The following SLC16A10 variants were observed in gnomAD, a reference collection of about 807,000 sequenced individuals.
SLC16A10 encodes monocarboxylate transporter 10.
A neutral mutation model predicts 40.0 loss-of-function variants in SLC16A10; 27 were observed. That is an observed-to-expected ratio of 0.67 (90% CI 0.50 to 0.93). SLC16A10 has a LOEUF of 0.93. SLC16A10 is among the 40% of genes least tolerant of loss of function. The pLI, the probability that SLC16A10 is intolerant of heterozygous loss-of-function variation, is 0.00. For missense variants in SLC16A10, 529 were observed against 658.2 expected (o/e 0.80, Z 2.15); for synonymous variants, 213 against 249.8 (o/e 0.85, Z 1.39).
At chr6:111,178,743 A>C (rs73530962) in intron 3 of SLC16A10, 48 of 206,378 alleles carry the variant, frequency 2.3e-4, no homozygotes, top group Non-Finnish European at 4.2e-4. Context: ...ATTTTTTTCT[A>C]GCTTACAGTC....
chr6:111,118,381 C>T (rs900607578), intron 1 of SLC16A10, among the ~76,000 whole-genome samples: 1 of 151,380 alleles, frequency 6.6e-6, no homozygotes, highest in African/African-American at 2.5e-5. Flanking sequence ...CTGTCTAGCA[C>T]CTGTAAAGAT....
At chr6:111,179,087 C>T (rs1006613425) in intron 3 of SLC16A10, among the ~76,000 whole-genome samples, 8 of 151,406 alleles carry the variant, frequency 5.3e-5, no homozygotes, top group South Asian at 2.1e-4. Context: ...AACCCTCCTG[C>T]CTCAGCTAGG....
chr6:111,112,639 CA>C, intron 1 of SLC16A10, among the ~76,000 whole-genome samples: 1 of 152,248 alleles, frequency 6.6e-6, no homozygotes. Flanking sequence ...ATGAAGTAGG[CA>C]AAATTTGTAT....
intron 1 of SLC16A10, among the ~76,000 whole-genome samples, chr6:111,148,696 A>G (rs1293835204): frequency 2.0e-5 from 3 of 152,242 alleles, no homozygotes; most frequent in African/African-American, 4.8e-5. Context: ...TGTAACAGTG[A>G]ACAATGTATG....
chr6:111,192,715 G>C (rs1022236872), intron 3 of SLC16A10, among the ~76,000 whole-genome samples: 2 of 152,186 alleles, frequency 1.3e-5, no homozygotes, highest in African/African-American at 4.8e-5. Context: ...CAATCATGGT[G>C]GAAGGTGGAG....
At chr6:111,210,571 C>T (rs566623055) in intron 4 of SLC16A10, among the ~76,000 whole-genome samples, 91 of 152,232 alleles carry the variant, frequency 6.0e-4, no homozygotes, top group African/African-American at 2.1e-3. Flanking sequence ...GTGATGCAAA[C>T]AAGACAGACA....
At chr6:111,100,833 T>C (rs1003754244) in intron 1 of SLC16A10, among the ~76,000 whole-genome samples, 27 of 151,796 alleles carry the variant, frequency 1.8e-4, no homozygotes, top group Non-Finnish European at 2.8e-4. Flanking sequence ...AACTGATGCA[T>C]GTATGCATAT....
intron 1 of SLC16A10, among the ~76,000 whole-genome samples, chr6:111,124,133 G>A (rs557001090): frequency 9.5e-4 from 144 of 152,194 alleles, no homozygotes; most frequent in Non-Finnish European, 1.6e-3. Context: ...AGATGGAGGG[G>A]TTCTTGATTA....
chr6:111,190,439 C>T (rs1223302168), intron 3 of SLC16A10, among the ~76,000 whole-genome samples: 2 of 152,230 alleles, frequency 1.3e-5, no homozygotes, highest in Admixed American at 6.5e-5. Context: ...GCCCTCTTCT[C>T]ATAGCTCCAC....
chr6:111,222,765 G>A lies in SLC16A10; in HGVS notation c.*530G>A, dbSNP rs1417960779. 5 of 154,844 alleles carry A rather than the reference G, an allele frequency of 3.2e-5. No individual in the cohort carries two copies. The highest frequency in any genetic ancestry group is 1.2e-4 in the African/African-American group (5 of 41,454). 9.6% of individuals were successfully genotyped at this position (154,844 alleles called of 1,614,324 possible). A position where few individuals can be genotyped will look rare whatever the true frequency, so the allele number is the denominator to read the frequency against. ...GCTTTCCTGCTGTTAAATAAGCTAT[G>A]ATATTAAGATATTCTGACTTGCTCC... On this transcript the variant is annotated 3_prime_UTR_variant, in exon 6 of 6. Transcript: ENST00000368851.
intron 3 of SLC16A10, among the ~76,000 whole-genome samples, chr6:111,199,242 C>T (rs1271393831): frequency 6.6e-6 from 1 of 152,092 alleles, no homozygotes; most frequent in Non-Finnish European, 1.5e-5. Flanking sequence ...GGCAGATCAC[C>T]TGAGGTCAGG....
At chr6:111,102,319 G>A (rs1439376468) in intron 1 of SLC16A10, among the ~76,000 whole-genome samples, 1 of 152,164 alleles carries the variant, frequency 6.6e-6, no homozygotes, top group Non-Finnish European at 1.5e-5. Flanking sequence ...CTGGCTTCCT[G>A]AAAACCCTAC....
At position 111,229,143 on chromosome 6, in the gene SLC16A10, T is replaced by C. The variant is rs1472712626; in HGVS notation, c.*6908T>C. ...GATTATTAGATCAAGATTGGTGCTATACTTCATGTTCCTTTCAAAATTATT... is the reference window on the plus strand; with the variant it reads ...GATTATTAGATCAAGATTGGTGCTACACTTCATGTTCCTTTCAAAATTATT... On this transcript the variant is annotated 3_prime_UTR_variant, in exon 6 of 6. Coordinates refer to ENST00000368851, the MANE Select transcript of SLC16A10 (RefSeq NM_018593.5). 1 of 152,112 alleles carries C rather than the reference T, an allele frequency of 6.6e-6. No homozygotes were observed. Among genetic ancestry groups the C allele is most frequent in the Non-Finnish European group, 1.5e-5 (1 of 68,028 alleles). 9.4% of individuals were successfully genotyped at this position (152,112 alleles called of 1,614,324 possible). A position where few individuals can be genotyped will look rare whatever the true frequency, so the allele number is the denominator to read the frequency against.
At chr6:111,218,012 C>CT (rs1158140257) in intron 4 of SLC16A10, among the ~76,000 whole-genome samples, 1 of 152,146 alleles carries the variant, frequency 6.6e-6, no homozygotes, top group Admixed American at 6.6e-5. Flanking sequence ...ATTAACTACT[C>CT]TAACACTGAA....
At chr6:111,167,653 G>T (rs1173136290) in intron 1 of SLC16A10, among the ~76,000 whole-genome samples, 2 of 147,240 alleles carry the variant, frequency 1.4e-5, no homozygotes, top group African/African-American at 2.7e-5. Context: ...TATTGTGTGT[G>T]TGTGTATGTG....
chr6:111,179,280 C>T (rs527440227), intron 3 of SLC16A10, among the ~76,000 whole-genome samples: 2 of 152,292 alleles, frequency 1.3e-5, no homozygotes, highest in Admixed American at 6.5e-5. Context: ...ATTAATTTCA[C>T]ATATATTACT....
intron 1 of SLC16A10, among the ~76,000 whole-genome samples, chr6:111,142,810 C>T (rs1772007054): frequency 6.6e-6 from 1 of 152,194 alleles, no homozygotes; most frequent in Admixed American, 6.5e-5. Flanking sequence ...AGACAGTTTG[C>T]AGTTTCTTAC....
At chr6:111,170,651 G>A (rs979988010) in intron 1 of SLC16A10, among the ~76,000 whole-genome samples, 4 of 152,030 alleles carry the variant, frequency 2.6e-5, no homozygotes, top group Non-Finnish European at 2.9e-5. Flanking sequence ...GTTTCACCAT[G>A]TTGGCCAGGC....
Position 111,126,616 on chromosome 6 carries a change from A to T in SLC16A10, c.343+38521A>T, listed in dbSNP as rs554445100. On this transcript the variant is annotated intron_variant, in intron 1 of 5. Transcript: ENST00000368851. ...TCCATGACTTTTAGGATGTTATAAT[A>T]TAATCCACATAGTACTTTATACTTT... Among the ~76,000 whole-genome samples, 9 of 152,314 alleles carry T rather than the reference A, an allele frequency of 5.9e-5. No individual in the cohort carries two copies. In the South Asian group the frequency reaches 1.7e-3, roughly 28 times the overall value.
Sources: gnomAD v4.1 joint callset for allele counts (sites outside exome capture counted in the v4.1 genomes callset) on GRCh38, gnomAD v4.1.1 for gene constraint, MANE v1.5 for transcripts, NCBI Gene and HGNC (gene_info 2026-07-23, HGNC 2026-07-21) for gene names.